GSAP: variants seen among roughly 807,000 people sequenced by gnomAD.
The protein encoded by GSAP is gamma-secretase activating protein, also known as gamma-secretase-activating protein.
GSAP carries 118 observed loss-of-function variants against 131.7 expected under a neutral mutation model. The ratio of observed to expected loss-of-function variants is 0.90; its 90% CI spans 0.77 to 1.04. The LOEUF (loss-of-function observed/expected upper bound fraction) is 1.04, where lower values mean the gene tolerates loss of function less well. GSAP is among the 50% of genes least tolerant of loss of function. The pLI, the probability that GSAP is intolerant of heterozygous loss-of-function variation, is 0.00. For missense variants in GSAP, 1,019 were observed against 1,013.2 expected (o/e 1.01, Z -0.08); for synonymous variants, 381 against 363.4 (o/e 1.05, Z -0.55).
intron 9 of GSAP, 27 bp downstream of exon 9, chr7:77,377,255 AAAAG>A: frequency 1.4e-6 from 2 of 1,425,434 alleles, no homozygotes; most frequent in Non-Finnish European, 1.8e-6. Flanking sequence ...AAAAAAAAAA[AAAAG>A]GAGTGCCCGT....
chr7:77,322,264 G>A (rs1011887335), intron 24 of GSAP, among the ~76,000 whole-genome samples: 3 of 152,196 alleles, frequency 2.0e-5, no homozygotes, highest in Admixed American at 6.5e-5. Flanking sequence ...TTTTAGAAAG[G>A]ATGCCAGCCA....
intron 5 of GSAP, among the ~76,000 whole-genome samples, chr7:77,388,482 A>T (rs561213607): frequency 6.6e-6 from 1 of 152,322 alleles, no homozygotes; most frequent in South Asian, 2.1e-4. Flanking sequence ...AAAATACAGC[A>T]ATCAGGAGGA....
At chr7:77,340,835 T>C (rs1790805530) in intron 19 of GSAP, among the ~76,000 whole-genome samples, 2 of 152,128 alleles carry the variant, frequency 1.3e-5, no homozygotes, top group South Asian at 2.1e-4. Context: ...CTCACCCACA[T>C]TGCAGCCCAG....
At position 77,374,064 on chromosome 7, in the gene GSAP, G is replaced by C. The variant is rs886283858; in HGVS notation, c.871+6C>G. The C allele has an allele frequency of 1.4e-6, 2 of 1,472,708 alleles. No individual in the cohort carries two copies. Among genetic ancestry groups the C allele is most frequent in the African/African-American group, 2.8e-5 (2 of 71,906 alleles). 91.2% of individuals were successfully genotyped at this position (1,472,708 alleles called of 1,614,324 possible). On this transcript the variant is annotated splice_donor_region_variant and intron_variant, in intron 12 of 30. Transcript: ENST00000257626. ...GAATAAATTGATAAATACAACCCTA[G>C]TTTACCTGTATGGTTGGTAAAAACA... is the stretch of plus-strand genomic sequence containing the variant.
chr7:77,364,703 T>C (rs1402938093), intron 12 of GSAP, among the ~76,000 whole-genome samples: 1 of 152,172 alleles, frequency 6.6e-6, no homozygotes, highest in East Asian at 1.9e-4. Context: ...AGAATAAATG[T>C]ACCTAATTAC....
rs1800587500 is a variant in GSAP at position 77,397,371 on chromosome 7, A to G, written c.288T>C (p.Ser96=). The change falls in exon 4 of 31, where the codon TCT becomes TCC. Residue 96 remains serine, a synonymous_variant. Transcript: ENST00000257626. ...FEKDLQVFSC[S]VNSERTLLAA... is the part of the protein sequence containing the mutation. ...CAAGCAAAGTCCTTTCACTGTTGAC[A>G]GAGCAACTGAAAACTTGCAAGTCTT... The G allele has an allele frequency of 6.2e-7, 1 of 1,606,744 alleles. No individual in the cohort carries two copies. The highest frequency in any genetic ancestry group is 8.5e-7 in the Non-Finnish European group (1 of 1,174,508).
chr7:77,381,856 A>G (rs1363859401), intron 7 of GSAP, among the ~76,000 whole-genome samples: 1 of 151,920 alleles, frequency 6.6e-6, no homozygotes, highest in East Asian at 1.9e-4. Context: ...CAATCTGTGT[A>G]GATGGTCTCT....
At chr7:77,389,308 TTG>T (rs1230278664) in intron 5 of GSAP, among the ~76,000 whole-genome samples, 3 of 148,416 alleles carry the variant, frequency 2.0e-5, no homozygotes, top group East Asian at 1.9e-4. Flanking sequence ...TATATATTTT[TTG>T]TTTGTTTGTT....
At chr7:77,411,098 T>TAAAAAAAAAAAAAAAAAAA (rs57255266) in intron 1 of GSAP, among the ~76,000 whole-genome samples, 1 of 108,866 alleles carries the variant, frequency 9.2e-6, no homozygotes, top group Non-Finnish European at 1.8e-5. Context: ...AAGAAAATAG[T>TAAAAAAAAAAAAAAAAAAA]AAAAAAAAAA....
chr7:77,411,104 A>G (rs1230122786), intron 1 of GSAP, among the ~76,000 whole-genome samples: 1 of 150,872 alleles, frequency 6.6e-6, no homozygotes, highest in Non-Finnish European at 1.5e-5. Context: ...ATAGTAAAAA[A>G]AAAAAAAAAA....
chr7:77,390,946 TAAAAAAAAAAAAAAAAA>T (rs71085453), intron 5 of GSAP, among the ~76,000 whole-genome samples: 75 of 37,940 alleles, frequency 2.0e-3, no homozygotes, highest in South Asian at 3.7e-3. Context: ...AGACTCCGTC[TAAAAAAAAAAAAAAAAA>T]AAAAAAAAAA....
intron 26 of GSAP, chr7:77,316,361 A>AT (rs1794965782): frequency 6.6e-6 from 1 of 152,092 alleles, no homozygotes; most frequent in Non-Finnish European, 1.5e-5. Flanking sequence ...AAATCATGGG[A>AT]TTTTCTCTCT....
intron 14 of GSAP, among the ~76,000 whole-genome samples, chr7:77,358,479 C>G (rs1484960308): frequency 6.6e-6 from 1 of 152,172 alleles, no homozygotes; most frequent in Admixed American, 6.5e-5. Flanking sequence ...AGAGGCTATA[C>G]CTACATTCAT....
intron 12 of GSAP, among the ~76,000 whole-genome samples, chr7:77,365,797 G>C (rs192384979): frequency 6.6e-6 from 1 of 151,100 alleles, no homozygotes; most frequent in Non-Finnish European, 1.5e-5. Flanking sequence ...TAGCCTTTGA[G>C]TAATCACCAT....
rs191450606 is a variant in GSAP at position 77,323,557 on chromosome 7, C to G, written c.1923+90G>C. 170 of 589,906 alleles carry G rather than the reference C, an allele frequency of 2.9e-4. No individual in the cohort carries two copies. The African/African-American group carries it at 3.0e-3, about 11-fold the overall frequency. The allele number at this position is 589,906 out of a possible 1,614,324, so 36.5% of individuals were successfully genotyped here. A position where few individuals can be genotyped will look rare whatever the true frequency, so the allele number is the denominator to read the frequency against. On this transcript the variant is annotated intron_variant, in intron 24 of 30. Coordinates refer to ENST00000257626, the MANE Select transcript of GSAP (RefSeq NM_017439.4). ...ATCTCCAAAAATCTAATTTGAAAAA[C>G]ACATAAATGGGTTCCCTGCACCACA...
Position 77,377,345 on chromosome 7 carries a change from C to T in GSAP, c.622G>A (p.Asp208Asn), listed in dbSNP as rs1797078444. The T allele has an allele frequency of 1.3e-6, 2 of 1,582,352 alleles. No individual in the cohort carries two copies. Among genetic ancestry groups the T allele is most frequent in the Admixed American group, 3.5e-5 (2 of 57,198 alleles). Residue 208 changes from aspartate to asparagine, a missense_variant, in exon 9 of 31, where the codon GAT becomes AAT. Transcript: ENST00000257626. The stretch of plus-strand genomic sequence containing the variant: ...ATATCCCACTGAGCCCAAACGAAAT[C>T]CTCAGCTATTCTGTCTCTTGGGAGA... ...GHLPRDRIAE[D>N]FVWAQWDMSE...
At chr7:77,352,406 T>A (rs1793017664) in intron 18 of GSAP, among the ~76,000 whole-genome samples, 1 of 152,188 alleles carries the variant, frequency 6.6e-6, no homozygotes, top group Non-Finnish European at 1.5e-5. Context: ...AAATGAGCAG[T>A]GTTTTAGCTC....
At chr7:77,337,612 T>G in intron 19 of GSAP, among the ~76,000 whole-genome samples, 1 of 152,094 alleles carries the variant, frequency 6.6e-6, no homozygotes, top group East Asian at 1.9e-4. Context: ...CACATCTGAG[T>G]GGCCATAAGT....
At chr7:77,351,152 G>A in intron 18 of GSAP, 3 of 979,804 alleles carry the variant, frequency 3.1e-6, no homozygotes, top group Non-Finnish European at 3.6e-6. Context: ...AAACAACTAA[G>A]TTCTTCAATG....
Sources: allele counts gnomAD v4.1 joint callset (sites outside exome capture counted in the v4.1 genomes callset), GRCh38; gene constraint gnomAD v4.1.1; transcripts MANE v1.5; gene names NCBI Gene and HGNC (gene_info 2026-07-23, HGNC 2026-07-21).